Variants in CUX1 observed in about 807,000 individuals in gnomAD.
CUX1 encodes cut like homeobox 1.
CUX1 carries 31 observed loss-of-function variants against 158.8 expected under a neutral mutation model. The observed-to-expected ratio is 0.20, with a 90% CI of 0.15 to 0.26. CUX1 has a LOEUF of 0.26. Among genes scored for constraint, CUX1 ranks in the 10% least tolerant of loss-of-function variants. The pLI is 1.00. For missense variants in CUX1, 1,589 were observed against 2,014.6 expected (o/e 0.79, Z 4.04); for synonymous variants, 879 against 862.1 (o/e 1.02, Z -0.34).
intron 20 of CUX1, among the ~76,000 whole-genome samples, chr7:102,225,863 T>C (rs1798298049): frequency 6.6e-6 from 1 of 152,200 alleles, no homozygotes; most frequent in South Asian, 2.1e-4. Context: ...GCAGAGAGCA[T>C]GGCCTGGGCC....
rs67147187 is a variant in CUX1, at chr7:102,021,614, CTTTTTTTTTT to C, written c.142-6471_142-6462del. ...TGAGCTACCAGATACTTTTTTTTCT[CTTTTTTTTTT>C]TTTTTTTTTTTTGGATGGAGTTTCC... On this transcript the variant is annotated intron_variant, in intron 2 of 23. Transcript: ENST00000292535. Among the ~76,000 whole-genome samples, 304 of 109,360 alleles carry C rather than the reference CTTTTTTTTTT, an allele frequency of 2.8e-3. 2 individuals carry two copies. Among genetic ancestry groups the C allele is most frequent in the African/African-American group, 6.5e-3 (209 of 32,092 alleles). The allele number at this position is 109,360 out of a possible 152,430, so 71.7% of individuals were successfully genotyped here. A position where few individuals can be genotyped will look rare whatever the true frequency, so the allele number is the denominator to read the frequency against.
chr7:102,038,769 T>C (rs1821725184), intron 3 of CUX1, among the ~76,000 whole-genome samples: 1 of 152,014 alleles, frequency 6.6e-6, no homozygotes, highest in Non-Finnish European at 1.5e-5. Flanking sequence ...CTGAGCAACA[T>C]AGTGAGACCT....
At chr7:101,886,161 A>G (rs1259948407) in intron 1 of CUX1, among the ~76,000 whole-genome samples, 1 of 151,900 alleles carries the variant, frequency 6.6e-6, no homozygotes, top group Admixed American at 6.6e-5. Context: ...TAGATGTCTC[A>G]GTGACCCTAC....
chr7:102,193,465 G>A (rs555056874), intron 12 of CUX1, among the ~76,000 whole-genome samples: 1 of 152,312 alleles, frequency 6.6e-6, no homozygotes, highest in South Asian at 2.1e-4. Flanking sequence ...CTGGAGAGCA[G>A]GAAATTGTAA....
intron 1 of CUX1, among the ~76,000 whole-genome samples, chr7:101,891,208 T>A (rs2131641860): frequency 6.6e-6 from 1 of 152,216 alleles, no homozygotes; most frequent in East Asian, 1.9e-4. Flanking sequence ...TGTTTTTTTA[T>A]TTTGTTTTGT....
intron 4 of CUX1, among the ~76,000 whole-genome samples, chr7:102,095,100 A>G (rs1554483642): frequency 6.6e-6 from 1 of 152,008 alleles, no homozygotes; most frequent in East Asian, 1.9e-4. Context: ...CAAGGGCTCA[A>G]GGACTTCTCA....
intron 3 of CUX1, among the ~76,000 whole-genome samples, chr7:102,039,224 A>G (rs1222426287): frequency 1.3e-5 from 2 of 152,142 alleles, no homozygotes. Flanking sequence ...AGATAAAAGG[A>G]CTAAACCCGA....
chr7:102,245,370 ATCT>A lies in CUX1; in HGVS notation c.3888-3040_3888-3038del, dbSNP rs1800698142. On this transcript the variant is annotated intron_variant, in intron 23 of 23. Coordinates refer to ENST00000292535, the MANE Select transcript of CUX1 (RefSeq NM_181552.4). The stretch of plus-strand genomic sequence containing the variant: ...GAGCAGACAGTTTTATAGATATATC[ATCT>A]TATTAGTCCCTCCATCAGCACCCAA... Among the ~76,000 whole-genome samples, 10 of 152,234 alleles carry A rather than the reference ATCT, an allele frequency of 6.6e-5. No homozygotes were observed. The South Asian group carries it at 2.1e-3, about 32-fold the overall frequency.
intron 18 of CUX1, among the ~76,000 whole-genome samples, chr7:102,203,618 A>G (rs6465852): frequency 0.51 from 78,062 of 152,102 alleles, 21,913 homozygotes; most frequent in African/African-American, 0.74. Context: ...AGACTTAATA[A>G]CATTGAACTT....
At chr7:101,982,099 A>C (rs998317323) in intron 2 of CUX1, among the ~76,000 whole-genome samples, 3 of 152,256 alleles carry the variant, frequency 2.0e-5, no homozygotes, top group Admixed American at 2.0e-4. Flanking sequence ...TTGCCTGTTG[A>C]TTGCTAGAGT....
Position 101,916,290 on chromosome 7 carries a change from A to G in CUX1, c.141+65A>G. 3 of 1,032,038 alleles carry G rather than the reference A, an allele frequency of 2.9e-6. No individual in the cohort carries two copies. Among genetic ancestry groups the G allele is most frequent in the South Asian group, 1.3e-5 (1 of 78,888 alleles). The allele number at this position is 1,032,038 out of a possible 1,614,324, so 63.9% of individuals were successfully genotyped here. A position where few individuals can be genotyped will look rare whatever the true frequency, so the allele number is the denominator to read the frequency against. ...TAGAATGCTGGTGCATGTTCAGGCG[A>G]CGCTCCGTGAGCGTTTCATTTTCAT... On this transcript the variant is annotated intron_variant, in intron 2 of 23. Coordinates refer to ENST00000292535, the MANE Select transcript of CUX1 (RefSeq NM_181552.4). The surrounding 1 kb of genome is among the most constrained non-coding windows in gnomAD (Gnocchi z 4.4).
chr7:102,046,258 A>C (rs1822781257), intron 3 of CUX1, among the ~76,000 whole-genome samples: 1 of 151,916 alleles, frequency 6.6e-6, no homozygotes, highest in South Asian at 2.1e-4. Flanking sequence ...TTGGAGATGG[A>C]CTCTTGCTTT....
At chr7:102,209,453 G>C (rs1387935626) in intron 20 of CUX1, among the ~76,000 whole-genome samples, 1 of 150,092 alleles carries the variant, frequency 6.7e-6, no homozygotes, top group East Asian at 2.0e-4. Context: ...GTGAGCGGTA[G>C]GTTCCATGCC....
At chr7:102,153,559 A>G (rs1340577333) in intron 8 of CUX1, 1 of 152,382 alleles carries the variant, frequency 6.6e-6, no homozygotes, top group Non-Finnish European at 1.5e-5. Context: ...GTTGCCAAGC[A>G]GCAGGGAGGA....
At chr7:101,939,136 A>G (rs2129135119) in intron 2 of CUX1, among the ~76,000 whole-genome samples, 1 of 125,900 alleles carries the variant, frequency 7.9e-6, no homozygotes, top group Middle Eastern at 4.8e-3. Flanking sequence ...TGTCCCCCCT[A>G]TTCTCCCAGG....
chr7:101,937,514 T>C (rs1324341061), intron 2 of CUX1, among the ~76,000 whole-genome samples: 1 of 151,976 alleles, frequency 6.6e-6, no homozygotes, highest in Non-Finnish European at 1.5e-5. Context: ...CAAGTCTTTT[T>C]TTTTTTTTTT....
At chr7:101,902,817 G>A (rs62463736) in intron 1 of CUX1, among the ~76,000 whole-genome samples, 30,120 of 152,076 alleles carry the variant, frequency 0.2, 3,832 homozygotes, top group Non-Finnish European at 0.28. Flanking sequence ...CTAAGAGATG[G>A]GGTCTTGCTG....
rs112936243 is a variant in CUX1 at position 102,046,921 on chromosome 7, A to T, written c.189+18776A>T. ...CAGCTTGCGAAGTGCATTCTTTGTC[A>T]GGGAGGCCACACTGGGAGAGTCGCC... On this transcript the variant is annotated intron_variant, in intron 3 of 23. Transcript: ENST00000292535. Among the ~76,000 whole-genome samples, 57 of 152,236 alleles carry T rather than the reference A, an allele frequency of 3.7e-4. 1 individual carries two copies. Among genetic ancestry groups the T allele is most frequent in the African/African-American group, 1.3e-3 (52 of 41,542 alleles).
Position 102,256,638 on chromosome 7 carries a change from G to A in CUX1, c.*7596G>A. ...AACAAAAAAATTTACCAACGTGTGA[G>A]GGAGTTGCTGAGTTGAAGAATGCTC... On this transcript the variant is annotated 3_prime_UTR_variant, in exon 24 of 24. Coordinates refer to ENST00000292535, the MANE Select transcript of CUX1 (RefSeq NM_181552.4). The A allele has an allele frequency of 1.0e-6, 1 of 985,436 alleles. No homozygotes were observed. The highest frequency in any genetic ancestry group is 1.2e-6 in the Non-Finnish European group (1 of 829,930). 61.0% of individuals were successfully genotyped at this position (985,436 alleles called of 1,614,324 possible).
Sources: gnomAD v4.1 joint callset for allele counts (sites outside exome capture counted in the v4.1 genomes callset) on GRCh38, gnomAD v4.1.1 for gene constraint, Gnocchi (gnomAD v3.1) non-coding constraint, MANE v1.5 for transcripts, NCBI Gene and HGNC (gene_info 2026-07-23, HGNC 2026-07-21) for gene names.